The following MYPOP variants were observed in gnomAD, a reference collection of about 807,000 sequenced individuals.
The protein encoded by MYPOP is Myb related transcription factor, partner of profilin.
In MYPOP, 21 loss-of-function variants were observed where a neutral mutation model predicts 25.7. The observed-to-expected ratio is 0.82, with a 90% CI of 0.58 to 1.18. The LOEUF (loss-of-function observed/expected upper bound fraction) is 1.18. MYPOP is among the 50% of genes most tolerant of loss of function. MYPOP has a pLI of 0.00. For missense variants in MYPOP, 566 were observed against 588.3 expected (o/e 0.96, Z 0.39); for synonymous variants, 280 against 247.9 (o/e 1.13, Z -1.22).
At chr19:45,895,208 C>T (rs937267139) in intron 2 of MYPOP, among the ~76,000 whole-genome samples, 8 of 152,040 alleles carry the variant, frequency 5.3e-5, no homozygotes, top group Admixed American at 1.3e-4. Flanking sequence ...GCTGTAGCCA[C>T]GGTGGCCTCC....
Position 45,901,458 on chromosome 19 carries a change from C to T in MYPOP, c.316G>A (p.Glu106Lys). Reference sequence around the variant, plus strand: ...TCCTCTTCCGCGGAGAAAGCGTCCTCCGCGGCGGGCCCGGCGCCCTGCGTG... The same window carrying T: ...TCCTCTTCCGCGGAGAAAGCGTCCTTCGCGGCGGGCCCGGCGCCCTGCGTG... Reference protein sequence around the residue: ...HSTQGAGPAAEDAFSAEEETI... With the variant: ...HSTQGAGPAAKDAFSAEEETI... Residue 106 changes from glutamate to lysine, a missense_variant, in exon 2 of 3, where the codon GAG (glutamate) becomes AAG (lysine). Transcript: ENST00000322217. The surrounding 1 kb of genome is among the most constrained non-coding windows in gnomAD (Gnocchi z 5.7). The T allele has an allele frequency of 1.3e-6, 2 of 1,598,680 alleles. No individual in the cohort carries two copies. Among genetic ancestry groups the T allele is most frequent in the Non-Finnish European group, 8.5e-7 (1 of 1,172,988 alleles).
intron 2 of MYPOP, among the ~76,000 whole-genome samples, chr19:45,892,848 T>C (rs1161168032): frequency 1.3e-5 from 2 of 152,134 alleles, no homozygotes; most frequent in Non-Finnish European, 1.5e-5. Context: ...CTTCCACCCC[T>C]GTCCCTGACA....
In MYPOP at chr19:45,890,470, C is replaced by CA; in HGVS notation, c.*152dup. Reference sequence around the variant, plus strand: ...GGGGGCCCATTACTGAGGCCCCCCCCAGAGAATCAGGCACTAACTAGCACA... The same window carrying CA: ...GGGGGCCCATTACTGAGGCCCCCCCCAAGAGAATCAGGCACTAACTAGCACA... On this transcript the variant is annotated 3_prime_UTR_variant, in exon 3 of 3. Coordinates refer to ENST00000322217, the MANE Select transcript of MYPOP (RefSeq NM_001012643.4). 2.3e-6 allele frequency: 3 copies of CA among 1,305,708 alleles called. No individual in the cohort carries two copies. Among genetic ancestry groups the CA allele is most frequent in the South Asian group, 3.2e-5 (2 of 63,370 alleles). 80.9% of individuals were successfully genotyped at this position (1,305,708 alleles called of 1,614,324 possible). A position where few individuals can be genotyped will look rare whatever the true frequency, so the allele number is the denominator to read the frequency against.
At chr19:45,893,950 C>T (rs1373592042) in intron 2 of MYPOP, among the ~76,000 whole-genome samples, 19 of 149,564 alleles carry the variant, frequency 1.3e-4, no homozygotes, top group South Asian at 4.2e-4. Context: ...CCACCACGCC[C>T]GGCTAATTTT....
intron 2 of MYPOP, among the ~76,000 whole-genome samples, chr19:45,898,252 T>C (rs1967235563): frequency 6.6e-6 from 1 of 152,024 alleles, no homozygotes; most frequent in African/African-American, 2.4e-5. Flanking sequence ...TAAATGAGTG[T>C]GTGAGCTGGT....
chr19:45,895,645 C>G (rs944648729), intron 2 of MYPOP, among the ~76,000 whole-genome samples: 4 of 151,148 alleles, frequency 2.6e-5, no homozygotes, highest in African/African-American at 9.9e-5. Context: ...AGAACAATGT[C>G]CAGCACAACA....
intron 2 of MYPOP, among the ~76,000 whole-genome samples, chr19:45,894,214 A>G (rs1383304859): frequency 8.1e-5 from 11 of 135,690 alleles, no homozygotes; most frequent in Middle Eastern, 0.011. Flanking sequence ...CTGGGTTCAC[A>G]CCATTCTCCT....
intron 2 of MYPOP, among the ~76,000 whole-genome samples, chr19:45,898,430 C>T (rs944937691): frequency 6.6e-6 from 1 of 152,050 alleles, no homozygotes; most frequent in Non-Finnish European, 1.5e-5. Context: ...TCAAGCGATT[C>T]TCCTGCCTCA....
Position 45,890,712 on chromosome 19 carries a change from C to CGGGGGGGG in MYPOP, c.1110_1111insCCCCCCCC (p.Ala371ProfsTer38). ...GGGGAGTCGTGCGGAGGGAGCGGGG[C>CGGGGGGGG]TGGGGGGGGCCGGGGTGCCCCCTCC... On this transcript the variant is annotated frameshift_variant, in exon 3 of 3. Coordinates refer to ENST00000322217, the MANE Select transcript of MYPOP (RefSeq NM_001012643.4). LOFTEE classifies it high-confidence loss of function. 7.3e-6 allele frequency: 3 copies of CGGGGGGGG among 413,614 alleles called. No homozygotes were observed. Among genetic ancestry groups the CGGGGGGGG allele is most frequent in the South Asian group, 2.0e-5 (1 of 50,484 alleles). 25.6% of individuals were successfully genotyped at this position (413,614 alleles called of 1,614,324 possible). A position where few individuals can be genotyped will look rare whatever the true frequency, so the allele number is the denominator to read the frequency against.
chr19:45,902,597 A>C lies in MYPOP; in HGVS notation c.-80T>G, dbSNP rs1157338053. The C allele has an allele frequency of 6.6e-6, 1 of 152,200 alleles. No individual in the cohort carries two copies. 9.4% of individuals were successfully genotyped at this position (152,200 alleles called of 1,614,324 possible). A position where few individuals can be genotyped will look rare whatever the true frequency, so the allele number is the denominator to read the frequency against. ...GCTCCGCCGCAGCCGCCGGTGGGTCAGGGCTCGGGCTTCTGCGGCCTGTTC... is the reference window on the plus strand; with the variant it reads ...GCTCCGCCGCAGCCGCCGGTGGGTCCGGGCTCGGGCTTCTGCGGCCTGTTC... On this transcript the variant is annotated 5_prime_UTR_variant, in exon 1 of 3. Coordinates refer to ENST00000322217, the MANE Select transcript of MYPOP (RefSeq NM_001012643.4).
At chr19:45,902,030 C>A (rs989824293) in intron 1 of MYPOP, among the ~76,000 whole-genome samples, 1 of 150,468 alleles carries the variant, frequency 6.6e-6, no homozygotes, top group African/African-American at 2.5e-5. Context: ...CTTCGCGCGG[C>A]GCGAAGTGCC....
rs759116660 is a variant in MYPOP, at chr19:45,901,315, G to A, written c.459C>T (p.Arg153=). The A allele has an allele frequency of 6.8e-7, 1 of 1,461,006 alleles. No homozygotes were observed. The highest frequency in any genetic ancestry group is 9.0e-7 in the Non-Finnish European group (1 of 1,107,984). The allele number at this position is 1,461,006 out of a possible 1,614,324, so 90.5% of individuals were successfully genotyped here. A position where few individuals can be genotyped will look rare whatever the true frequency, so the allele number is the denominator to read the frequency against. ...CCCGGCGGTCTTCCGACAACACGTA[G>A]CGCTGAGGGCAGGCGCTTGGGGGCG... ...QPPPPSACPQ[R]YVLSEDRRED... Residue 153 remains arginine, a synonymous_variant, in exon 2 of 3, where the codon CGC becomes CGT. Coordinates refer to ENST00000322217, the MANE Select transcript of MYPOP (RefSeq NM_001012643.4). The surrounding 1 kb of genome is among the most constrained non-coding windows in gnomAD (Gnocchi z 5.7).
Sources: allele counts gnomAD v4.1 joint callset (sites outside exome capture counted in the v4.1 genomes callset), GRCh38; gene constraint gnomAD v4.1.1; non-coding constraint Gnocchi (gnomAD v3.1); transcripts MANE v1.5; gene names NCBI Gene and HGNC (gene_info 2026-07-23, HGNC 2026-07-21).